The following AGBL2 variants were observed in gnomAD, a reference collection of about 807,000 sequenced individuals.
AGBL2 encodes the protein AGBL carboxypeptidase 2, also known as cytosolic carboxypeptidase 2.
In AGBL2, 87 loss-of-function variants were observed where a neutral mutation model predicts 103.0. That is an observed-to-expected ratio of 0.84 (90% CI 0.71 to 1.01). The LOEUF (loss-of-function observed/expected upper bound fraction) is 1.01. AGBL2 is among the 50% of genes least tolerant of loss of function. The pLI is 0.00. For synonymous variants in AGBL2, 335 were observed against 356.7 expected (o/e 0.94, Z 0.69); for missense variants, 904 against 1,023.5 (o/e 0.88, Z 1.59).
chr11:47,678,338 A>ATTTTTTTTTTTTTTTTTTTT (rs1196435610), intron 13 of AGBL2, among the ~76,000 whole-genome samples: 60 of 95,256 alleles, frequency 6.3e-4, no homozygotes, highest in South Asian at 1.5e-3. Context: ...TTATTTTATT[A>ATTTTTTTTTTTTTTTTTTTT]TTTTATTTTT....
At chr11:47,675,081 T>C (rs1300517515) in intron 14 of AGBL2, among the ~76,000 whole-genome samples, 1 of 151,978 alleles carries the variant, frequency 6.6e-6, no homozygotes, top group Non-Finnish European at 1.5e-5. Flanking sequence ...GCCTTGCTAG[T>C]CCCTTCGTCT....
chr11:47,660,479 T>G (rs541019585), intron 18 of AGBL2, 133 bp from the exon 19 acceptor site: 1 of 795,114 alleles, frequency 1.3e-6, no homozygotes, highest in East Asian at 2.7e-5. Flanking sequence ...ATAAAAGTAG[T>G]TGACAATGTT....
chr11:47,702,875 GA>G (rs925273751), intron 7 of AGBL2, among the ~76,000 whole-genome samples: 10 of 146,916 alleles, frequency 6.8e-5, no homozygotes, highest in Admixed American at 1.4e-4. Flanking sequence ...CTCCGTCTCA[GA>G]AAAAAAAAAG....
intron 8 of AGBL2, among the ~76,000 whole-genome samples, chr11:47,696,451 G>C (rs1330576261): frequency 6.6e-6 from 1 of 151,880 alleles, no homozygotes; most frequent in Non-Finnish European, 1.5e-5. Flanking sequence ...TTTTAGTAGA[G>C]AGACAGGGTT....
At chr11:47,673,708 T>TCCC (rs2097364550) in intron 14 of AGBL2, among the ~76,000 whole-genome samples, 1 of 144,888 alleles carries the variant, frequency 6.9e-6, no homozygotes, top group African/African-American at 2.6e-5. Flanking sequence ...GCAGGAGAAT[T>TCCC]GCTTGAACCC....
intron 3 of AGBL2, chr11:47,710,870 A>T (rs746218342): frequency 3.3e-5 from 15 of 459,894 alleles, no homozygotes; most frequent in South Asian, 2.2e-4. Context: ...TGTGGAGGCC[A>T]CTGCCCTCCA....
At chr11:47,671,550 A>C (rs773933646) in intron 14 of AGBL2, among the ~76,000 whole-genome samples, 12 of 152,002 alleles carry the variant, frequency 7.9e-5, no homozygotes, top group Non-Finnish European at 1.6e-4. Flanking sequence ...ACAAACAAAC[A>C]AACAAAAAAC....
chr11:47,667,072 G>A lies in AGBL2; in HGVS notation c.2341-9C>T. 6.5e-7 allele frequency: 1 copy of A among 1,543,426 alleles called. No individual in the cohort carries two copies. The highest frequency in any genetic ancestry group is 8.8e-7 in the Non-Finnish European group (1 of 1,136,798). Reference sequence around the variant, plus strand: ...GCAAATCCTGCCTTTTCCTAGGATTGAGTGAAAAGAGAATCTTTTTCAATT... The same window carrying A: ...GCAAATCCTGCCTTTTCCTAGGATTAAGTGAAAAGAGAATCTTTTTCAATT... On this transcript the variant is annotated splice_polypyrimidine_tract_variant and intron_variant, in intron 16 of 18. Coordinates refer to ENST00000525123, the MANE Select transcript of AGBL2 (RefSeq NM_024783.4).
intron 18 of AGBL2, among the ~76,000 whole-genome samples, chr11:47,661,635 C>G (rs760199438): frequency 5.9e-5 from 9 of 152,118 alleles, no homozygotes; most frequent in Non-Finnish European, 1.0e-4. Context: ...TACTCTATAT[C>G]TAGTACACCT....
intron 14 of AGBL2, among the ~76,000 whole-genome samples, chr11:47,669,953 C>T (rs938510354): frequency 9.8e-5 from 15 of 152,334 alleles, no homozygotes; most frequent in African/African-American, 3.1e-4. Flanking sequence ...TCATTCACTC[C>T]GAACACCTAC....
rs2097324068 is a variant in AGBL2 at position 47,659,979 on chromosome 11, T to C, written c.*194A>G. Reference sequence around the variant, plus strand: ...AATAAAATTTCATTTTATGAAAAAATAGTTGAATTCATGAGGTATGCATCT... The same window carrying C: ...AATAAAATTTCATTTTATGAAAAAACAGTTGAATTCATGAGGTATGCATCT... On this transcript the variant is annotated 3_prime_UTR_variant, in exon 19 of 19. Transcript: ENST00000525123. The C allele has an allele frequency of 2.2e-6, 1 of 456,028 alleles. No homozygotes were observed. Among genetic ancestry groups the C allele is most frequent in the Non-Finnish European group, 3.7e-6 (1 of 270,740 alleles). The allele number at this position is 456,028 out of a possible 1,614,324, so 28.2% of individuals were successfully genotyped here.
At chr11:47,664,065 G>C (rs1475928524) in intron 17 of AGBL2, among the ~76,000 whole-genome samples, 1 of 151,606 alleles carries the variant, frequency 6.6e-6, no homozygotes, top group Non-Finnish European at 1.5e-5. Flanking sequence ...ATGTTGGCTG[G>C]GCTGGTCTTG....
intron 15 of AGBL2, among the ~76,000 whole-genome samples, chr11:47,667,987 T>C (rs1291768467): frequency 1.3e-5 from 2 of 152,192 alleles, no homozygotes; most frequent in African/African-American, 4.8e-5. Context: ...AGCGGGTGGA[T>C]CACTTCAGGT....
intron 11 of AGBL2, 44 bp downstream of exon 11, chr11:47,685,849 C>T: frequency 6.3e-7 from 1 of 1,575,910 alleles, no homozygotes; most frequent in East Asian, 2.2e-5. Flanking sequence ...AGTGAGTTCC[C>T]ATGTCCCTAA....
At position 47,706,520 on chromosome 11, in the gene AGBL2, A is replaced by C. The variant is rs185646611; in HGVS notation, c.233-603T>G. On this transcript the variant is annotated intron_variant, in intron 4 of 18. Coordinates refer to ENST00000525123, the MANE Select transcript of AGBL2 (RefSeq NM_024783.4). ...CACAGAGCAAGACTCCGTCTCAAAAAAAAAATAAATAAAAATAAAAATAAA... is the reference window on the plus strand; with the variant it reads ...CACAGAGCAAGACTCCGTCTCAAAACAAAAATAAATAAAAATAAAAATAAA... Among the ~76,000 whole-genome samples, 275 of 152,178 alleles carry C rather than the reference A, an allele frequency of 1.8e-3. 1 individual carries two copies. The highest frequency in any genetic ancestry group is 6.4e-3 in the African/African-American group (264 of 41,544).
At chr11:47,710,282 T>TG in intron 4 of AGBL2, 95 bp downstream of exon 4, 1 of 1,499,760 alleles carries the variant, frequency 6.7e-7, no homozygotes, top group Non-Finnish European at 9.2e-7. Context: ...GGCTGCTCCC[T>TG]GGCCTCTCCC....
At chr11:47,691,981 A>G (rs773692663) in intron 9 of AGBL2, 122 bp downstream of exon 9, 2 of 834,198 alleles carry the variant, frequency 2.4e-6, no homozygotes, top group Non-Finnish European at 3.5e-6. Flanking sequence ...ATTTTTCTTC[A>G]TACCCATAAC....
chr11:47,695,152 AAAAC>A (rs1379799496), intron 8 of AGBL2, among the ~76,000 whole-genome samples: 2 of 151,332 alleles, frequency 1.3e-5, no homozygotes, highest in Non-Finnish European at 2.9e-5. Context: ...TCCGTCTCAA[AAAAC>A]AAACAAACAA....
At chr11:47,705,024 A>G (rs1045223396) in intron 6 of AGBL2, 8 of 223,738 alleles carry the variant, frequency 3.6e-5, no homozygotes, top group Non-Finnish European at 6.9e-5. Flanking sequence ...GTGGGTTACA[A>G]TGAATAAGAA....
Sources: gnomAD v4.1 joint callset for allele counts (sites outside exome capture counted in the v4.1 genomes callset) on GRCh38, gnomAD v4.1.1 for gene constraint, MANE v1.5 for transcripts, NCBI Gene and HGNC (gene_info 2026-07-23, HGNC 2026-07-21) for gene names.